The following SQLE variants were observed in gnomAD, a reference collection of about 807,000 sequenced individuals.
The protein encoded by SQLE is squalene monooxygenase.
A neutral mutation model predicts 60.7 loss-of-function variants in SQLE; 29 were observed. The observed-to-expected ratio is 0.48, with a 90% CI of 0.36 to 0.65. The LOEUF is 0.65. Among genes scored for constraint, SQLE ranks in the 30% least tolerant of loss-of-function variants. The pLI, the probability that SQLE is intolerant of heterozygous loss-of-function variation, is 0.00. For missense variants in SQLE, 605 were observed against 684.1 expected (o/e 0.88, Z 1.29); for synonymous variants, 237 against 246.8 (o/e 0.96, Z 0.37).
intron 9 of SQLE, among the ~76,000 whole-genome samples, chr8:125,019,620 T>C (rs1169386443): frequency 2.0e-5 from 3 of 152,194 alleles, no homozygotes; most frequent in Non-Finnish European, 4.4e-5. Context: ...AAAAGGCAAC[T>C]GTGCCACCTC....
At chr8:125,003,573 A>C in intron 2 of SQLE, 145 bp downstream of exon 2, 1 of 955,524 alleles carries the variant, frequency 1.0e-6, no homozygotes, top group Non-Finnish European at 1.6e-6. Flanking sequence ...ATTTGCATGA[A>C]AGTGAGAGCA....
At chr8:125,012,607 AAAT>A (rs1220308974) in intron 7 of SQLE, among the ~76,000 whole-genome samples, 1 of 152,218 alleles carries the variant, frequency 6.6e-6, no homozygotes, top group East Asian at 1.9e-4. Context: ...TTTTATGGCC[AAAT>A]AATCTTCCAT....
rs925942692 is a variant in SQLE, at chr8:125,000,614, A to AT, written c.291+932dup. Among the ~76,000 whole-genome samples, 1,351 of 145,712 alleles carry AT rather than the reference A, an allele frequency of 9.3e-3. 20 individuals are homozygous for AT. The highest frequency in any genetic ancestry group is 0.028 in the African/African-American group (1,131 of 39,882). ...AGGTGCACGCCACCACTCCTGGCTAATTTTTTTTTTTTGTATTTTTGTGGA... is the reference window on the plus strand; with the variant it reads ...AGGTGCACGCCACCACTCCTGGCTAATTTTTTTTTTTTTGTATTTTTGTGGA... On this transcript the variant is annotated intron_variant, in intron 1 of 10. Coordinates refer to ENST00000265896, the MANE Select transcript of SQLE (RefSeq NM_003129.4).
In SQLE at chr8:124,999,099, G is replaced by GA. The variant is rs898552598; in HGVS notation, c.-298dup. On this transcript the variant is annotated 5_prime_UTR_variant, in exon 1 of 11. Transcript: ENST00000265896. The stretch of plus-strand genomic sequence containing the variant: ...CCGCTCAGGGAACACCATCAAAAAA[G>GA]AAAAAAAGGGAATATCTGGATTTCC... 3 of 330,986 alleles carry GA rather than the reference G, an allele frequency of 9.1e-6. No homozygotes were observed. Among genetic ancestry groups the GA allele is most frequent in the Admixed American group, 9.7e-5 (2 of 20,646 alleles). The allele number at this position is 330,986 out of a possible 1,614,324, so 20.5% of individuals were successfully genotyped here. A position where few individuals can be genotyped will look rare whatever the true frequency, so the allele number is the denominator to read the frequency against.
chr8:125,002,862 A>C (rs1319886151), intron 1 of SQLE, among the ~76,000 whole-genome samples: 2 of 152,240 alleles, frequency 1.3e-5, no homozygotes, highest in East Asian at 1.9e-4. Flanking sequence ...AGCCCCTTAT[A>C]AACATTTATT....
At chr8:125,013,224 T>C (rs536618394) in intron 7 of SQLE, among the ~76,000 whole-genome samples, 1 of 152,326 alleles carries the variant, frequency 6.6e-6, no homozygotes, top group African/African-American at 2.4e-5. Flanking sequence ...TTCTTAATGG[T>C]TTCCATTGAA....
chr8:125,012,620 T>C (rs6470326), intron 7 of SQLE, among the ~76,000 whole-genome samples: 30,378 of 152,224 alleles, frequency 0.2, 3,366 homozygotes, highest in Middle Eastern at 0.36. Context: ...TAATCTTCCA[T>C]TGTGTGGCTA....
intron 3 of SQLE, among the ~76,000 whole-genome samples, chr8:125,006,043 C>T (rs7815636): frequency 0.66 from 100,524 of 152,080 alleles, 35,279 homozygotes; most frequent in African/African-American, 0.91. Context: ...TTTGTGGTTA[C>T]GATACTTTCT....
chr8:125,006,993 G>A (rs7820721), intron 3 of SQLE, among the ~76,000 whole-genome samples: 76,380 of 152,010 alleles, frequency 0.5, 22,045 homozygotes, highest in African/African-American at 0.8. Flanking sequence ...GTGAGCCACC[G>A]TGCCCTGCCA....
intron 7 of SQLE, 77 bp downstream of exon 7, chr8:125,011,709 C>G: frequency 8.1e-7 from 1 of 1,231,960 alleles, no homozygotes; most frequent in South Asian, 1.3e-5. Flanking sequence ...TATACTGTTA[C>G]GAATAACTTC....
intron 10 of SQLE, among the ~76,000 whole-genome samples, 187 bp from the exon 11 acceptor site, chr8:125,021,566 C>T (rs1007399199): frequency 2.0e-5 from 3 of 150,374 alleles, no homozygotes; most frequent in Non-Finnish European, 4.4e-5. Context: ...TTGCTCCTGC[C>T]ATCAAACTTA....
At chr8:125,005,797 A>C (rs1453346258) in intron 3 of SQLE, 92 bp downstream of exon 3, 1 of 1,136,458 alleles carries the variant, frequency 8.8e-7, no homozygotes, top group Non-Finnish European at 1.2e-6. Flanking sequence ...ATTTTAATGA[A>C]TTTTTGGGGC....
intron 4 of SQLE, among the ~76,000 whole-genome samples, chr8:125,008,031 C>G (rs1490236576): frequency 6.6e-6 from 1 of 152,164 alleles, no homozygotes. Flanking sequence ...CAATTTAACT[C>G]AGGTAATAGT....
intron 2 of SQLE, 151 bp from the exon 3 acceptor site, chr8:125,005,374 A>T: frequency 1.8e-6 from 1 of 565,250 alleles, no homozygotes; most frequent in East Asian, 3.0e-5. Flanking sequence ...AGAAGCATTC[A>T]CAGTTTCTGA....
chr8:124,998,819 TC>T lies in SQLE; in HGVS notation c.-582del, dbSNP rs1278015565. ...GGAGAAGGCGTCGGCGTTGGCGTTT[TC>T]CCGAGGTTGGGCTGTACAGTGTCTC... On this transcript the variant is annotated 5_prime_UTR_variant, in exon 1 of 11. Transcript: ENST00000265896. 3 of 492,826 alleles carry T rather than the reference TC, an allele frequency of 6.1e-6. No homozygotes were observed. The African/African-American group carries it at 6.1e-5, about 10-fold the overall frequency. 30.5% of individuals were successfully genotyped at this position (492,826 alleles called of 1,614,324 possible).
At position 124,999,208 on chromosome 8, in the gene SQLE, C is replaced by T. The variant is rs1317479972; in HGVS notation, c.-196C>T. 1.7e-5 allele frequency: 8 copies of T among 467,754 alleles called. No individual in the cohort carries two copies. The highest frequency in any genetic ancestry group is 1.4e-5 in the Non-Finnish European group (4 of 287,906). The allele number at this position is 467,754 out of a possible 1,614,324, so 29.0% of individuals were successfully genotyped here. A position where few individuals can be genotyped will look rare whatever the true frequency, so the allele number is the denominator to read the frequency against. ...GCTTTCTACGCCCTATACAACTTGG[C>T]TTCACATACTTTTACACTAACTTTA... On this transcript the variant is annotated 5_prime_UTR_variant, in exon 1 of 11. Coordinates refer to ENST00000265896, the MANE Select transcript of SQLE (RefSeq NM_003129.4).
chr8:125,002,476 A>C (rs1195741401), intron 1 of SQLE, among the ~76,000 whole-genome samples: 1 of 152,128 alleles, frequency 6.6e-6, no homozygotes, highest in African/African-American at 2.4e-5. Context: ...TCGGGAGTTC[A>C]AGACCAGCCT....
intron 8 of SQLE, 116 bp from the exon 9 acceptor site, chr8:125,018,515 G>T: frequency 1.4e-6 from 1 of 702,576 alleles, no homozygotes; most frequent in East Asian, 2.8e-5. Context: ...TAAACATAAG[G>T]CAATATTACT....
chr8:124,999,440 T>G lies in SQLE; in HGVS notation c.37T>G (p.Phe13Val). 6.6e-7 allele frequency: 1 copy of G among 1,526,444 alleles called. No individual in the cohort carries two copies. Among genetic ancestry groups the G allele is most frequent in the Non-Finnish European group, 8.8e-7 (1 of 1,136,360 alleles). 94.6% of individuals were successfully genotyped at this position (1,526,444 alleles called of 1,614,324 possible). ...TFLGIATFTY[F>V]YKKFGDFITL... ...TCTGGGCATTGCCACTTTCACCTAT[T>G]TTTATAAGAAGTTCGGGGACTTCAT... is the stretch of plus-strand genomic sequence containing the variant. Residue 13 changes from phenylalanine to valine, a missense_variant, in exon 1 of 11, where the codon TTT (phenylalanine) becomes GTT (valine). Transcript: ENST00000265896.
Sources: gnomAD v4.1 joint callset for allele counts (sites outside exome capture counted in the v4.1 genomes callset) on GRCh38, gnomAD v4.1.1 for gene constraint, MANE v1.5 for transcripts, NCBI Gene and HGNC (gene_info 2026-07-23, HGNC 2026-07-21) for gene names.